The following GALNT13 variants were observed in gnomAD, a reference collection of about 807,000 sequenced individuals.
GALNT13 encodes the protein polypeptide N-acetylgalactosaminyltransferase 13.
GALNT13 carries 28 observed loss-of-function variants against 64.2 expected under a neutral mutation model. That is an observed-to-expected ratio of 0.44 (90% CI 0.32 to 0.60). The LOEUF is 0.60. GALNT13 is among the 20% of genes least tolerant of loss of function. The pLI, the probability that GALNT13 is intolerant of heterozygous loss-of-function variation, is 0.05. For missense variants in GALNT13, 577 were observed against 669.8 expected (o/e 0.86, Z 1.53); for synonymous variants, 214 against 224.6 (o/e 0.95, Z 0.42).
chr2:153,539,517 T>A, the GALNT13 span, among the ~76,000 whole-genome samples: 1 of 152,074 alleles, frequency 6.6e-6, no homozygotes, highest in African/African-American at 2.4e-5. Context: ...AGGGTGTTTA[T>A]GGTTTTAGGT....
intron 9 of GALNT13, among the ~76,000 whole-genome samples, chr2:154,316,879 G>C (rs1023893603): frequency 6.6e-6 from 1 of 152,136 alleles, no homozygotes; most frequent in Non-Finnish European, 1.5e-5. Flanking sequence ...CTTTGCCTAT[G>C]TTATATAAAC....
intron 1 of GALNT13, among the ~76,000 whole-genome samples, chr2:153,882,840 G>T (rs750988779): frequency 6.6e-6 from 1 of 151,228 alleles, no homozygotes; most frequent in African/African-American, 2.4e-5. Context: ...ATGCTACCCA[G>T]GCTGGTATTC....
At chr2:154,239,885 G>A (rs79580411) in intron 4 of GALNT13, among the ~76,000 whole-genome samples, 3,169 of 152,166 alleles carry the variant, frequency 0.021, 78 homozygotes, top group African/African-American at 0.064. Context: ...TCAAGTATCT[G>A]TTATATGCCT....
chr2:153,401,184 C>T, the GALNT13 span, among the ~76,000 whole-genome samples: 1 of 152,094 alleles, frequency 6.6e-6, no homozygotes, highest in Non-Finnish European at 1.5e-5. Context: ...TCGTTATGTA[C>T]CCAGTAGTCA....
chr2:154,014,634 C>CCTTT (rs1696876520), intron 3 of GALNT13, among the ~76,000 whole-genome samples: 1 of 47,154 alleles, frequency 2.1e-5, no homozygotes, highest in African/African-American at 7.9e-5. Context: ...TGATAATTCT[C>CCTTT]CTTTTTTTTT....
At chr2:154,117,110 C>A (rs1355790323) in intron 3 of GALNT13, among the ~76,000 whole-genome samples, 1 of 151,942 alleles carries the variant, frequency 6.6e-6, no homozygotes, top group African/African-American at 2.4e-5. Context: ...ATTTTTCTGC[C>A]TGCTTTATAT....
At chr2:154,167,322 G>A (rs924988952) in intron 4 of GALNT13, among the ~76,000 whole-genome samples, 3 of 152,032 alleles carry the variant, frequency 2.0e-5, no homozygotes, top group Non-Finnish European at 2.9e-5. Context: ...AGAAAACATA[G>A]CATGGTCAAT....
At chr2:153,508,130 T>C in the GALNT13 span, among the ~76,000 whole-genome samples, 6 of 152,156 alleles carry the variant, frequency 3.9e-5, 1 homozygote, top group South Asian at 1.0e-3. Context: ...CTTAGTGTAC[T>C]GATTTTGTGT....
At chr2:153,970,546 C>CATATAAA (rs1693670857) in intron 3 of GALNT13, among the ~76,000 whole-genome samples, 1 of 152,080 alleles carries the variant, frequency 6.6e-6, no homozygotes, top group African/African-American at 2.4e-5. Context: ...CATTTATATG[C>CATATAAA]CTTATCATAA....
chr2:153,995,007 A>T (rs980039683), intron 3 of GALNT13, among the ~76,000 whole-genome samples: 1 of 152,116 alleles, frequency 6.6e-6, no homozygotes, highest in Admixed American at 6.6e-5. Flanking sequence ...TAATGTAAGA[A>T]TATCCATGAC....
the GALNT13 span, among the ~76,000 whole-genome samples, chr2:153,123,969 C>A: frequency 6.6e-6 from 1 of 152,164 alleles, no homozygotes. Context: ...AATGACATAT[C>A]AATGCTAAGA....
chr2:154,177,330 T>A (rs1022943113), intron 4 of GALNT13, among the ~76,000 whole-genome samples: 9 of 148,604 alleles, frequency 6.1e-5, no homozygotes, highest in African/African-American at 2.1e-4. Flanking sequence ...TGAAACTCTA[T>A]GGTTTCAACT....
At chr2:154,124,249 T>C (rs1682125586) in intron 3 of GALNT13, among the ~76,000 whole-genome samples, 1 of 131,004 alleles carries the variant, frequency 7.6e-6, no homozygotes, top group Admixed American at 7.4e-5. Context: ...ACAGATGTGA[T>C]TAAAAAAAGA....
chr2:154,104,088 A>C (rs1190444626), intron 3 of GALNT13, among the ~76,000 whole-genome samples: 1 of 152,038 alleles, frequency 6.6e-6, no homozygotes, highest in Non-Finnish European at 1.5e-5. Flanking sequence ...GCTTGGGTGC[A>C]GACGGACACA....
chr2:153,195,665 C>T, the GALNT13 span, among the ~76,000 whole-genome samples: 1 of 152,232 alleles, frequency 6.6e-6, no homozygotes, highest in Admixed American at 6.5e-5. Context: ...GCTCTTCTCT[C>T]CTTCTTGTCA....
At chr2:154,021,412 T>C (rs1558913175) in intron 3 of GALNT13, among the ~76,000 whole-genome samples, 1 of 152,312 alleles carries the variant, frequency 6.6e-6, no homozygotes, top group Middle Eastern at 3.4e-3. Context: ...GAAGAGGTCC[T>C]TCACATCCCT....
intron 1 of GALNT13, among the ~76,000 whole-genome samples, chr2:153,899,283 G>C (rs1688076667): frequency 6.6e-6 from 1 of 152,136 alleles, no homozygotes; most frequent in Non-Finnish European, 1.5e-5. Context: ...GGCTGTGTCA[G>C]ATTGAGCAAG....
At chr2:153,935,117 T>G (rs1028764050) in intron 2 of GALNT13, among the ~76,000 whole-genome samples, 14 of 152,296 alleles carry the variant, frequency 9.2e-5, no homozygotes, top group African/African-American at 3.4e-4. Context: ...TTGACTTTAC[T>G]CATGTTTCCC....
intron 11 of GALNT13, among the ~76,000 whole-genome samples, chr2:154,417,388 T>C (rs1700058118): frequency 6.6e-6 from 1 of 151,828 alleles, no homozygotes; most frequent in South Asian, 2.1e-4. Flanking sequence ...CCATCAACTT[T>C]ATGGACCCTG....
Sources: allele counts gnomAD v4.1 joint callset (sites outside exome capture counted in the v4.1 genomes callset), GRCh38; gene constraint gnomAD v4.1.1; transcripts MANE v1.5; gene names NCBI Gene and HGNC (gene_info 2026-07-23, HGNC 2026-07-21).